The following IDNK variants were observed in gnomAD, a reference collection of about 807,000 sequenced individuals.
IDNK encodes gluconokinase.
In IDNK, 9 loss-of-function variants were observed where a neutral mutation model predicts 13.0. That is an observed-to-expected ratio of 0.69 (90% confidence interval 0.42 to 1.21). The LOEUF is 1.21. Among genes scored for constraint, IDNK ranks in the 50% most tolerant of loss-of-function variants. The pLI is 0.00. For synonymous variants in IDNK, 92 were observed against 94.9 expected (o/e 0.97, Z 0.18); for missense variants, 210 against 237.8 (o/e 0.88, Z 0.77).
intron 2 of IDNK, 91 bp downstream of exon 2, chr9:83,628,302 A>C: frequency 8.8e-7 from 1 of 1,140,288 alleles, no homozygotes. Flanking sequence ...TTGTACAGAC[A>C]CTTCCACATG....
intron 3 of IDNK, among the ~76,000 whole-genome samples, chr9:83,638,087 T>C (rs938152997): frequency 4.6e-5 from 7 of 151,850 alleles, no homozygotes; most frequent in Non-Finnish European, 7.4e-5. Context: ...TTCCAAAACT[T>C]AGGACTCCCA....
At chr9:83,634,288 A>T (rs1325278830) in intron 3 of IDNK, among the ~76,000 whole-genome samples, 2 of 152,208 alleles carry the variant, frequency 1.3e-5, no homozygotes, top group Non-Finnish European at 2.9e-5. Flanking sequence ...GTCTGCCATA[A>T]ATTCCGATAA....
At chr9:83,640,785 C>T (rs1330506860) in intron 3 of IDNK, among the ~76,000 whole-genome samples, 4 of 152,198 alleles carry the variant, frequency 2.6e-5, no homozygotes, top group African/African-American at 4.8e-5. Context: ...GCAGAGGTTG[C>T]GGTGAGCCGA....
chr9:83,639,578 G>A (rs1276891577), intron 3 of IDNK, among the ~76,000 whole-genome samples: 1 of 152,146 alleles, frequency 6.6e-6, no homozygotes, highest in Non-Finnish European at 1.5e-5. Flanking sequence ...CAATTGAGAT[G>A]AATAATGAAA....
chr9:83,627,875 AAAAT>A (rs201964924), intron 1 of IDNK: 13,232 of 128,610 alleles, frequency 0.1, 446 homozygotes, highest in South Asian at 0.15. Flanking sequence ...AAAAAAAAAA[AAAAT>A]TACACAACAG....
intron 1 of IDNK, 88 bp from the exon 2 acceptor site, chr9:83,628,093 G>T (rs2131619823): frequency 6.5e-7 from 1 of 1,541,850 alleles, no homozygotes; most frequent in Non-Finnish European, 8.8e-7. Context: ...TGCTAAGGCA[G>T]CCATCCCTTT....
chr9:83,630,655 A>G (rs2131623102), intron 3 of IDNK, among the ~76,000 whole-genome samples: 1 of 152,350 alleles, frequency 6.6e-6, no homozygotes, highest in East Asian at 1.9e-4. Flanking sequence ...AACCATTTCT[A>G]AGGGAGTGTA....
At position 83,643,992 on chromosome 9, in the gene IDNK, G is replaced by C. The variant is rs902263414; in HGVS notation, c.*212G>C. On this transcript the variant is annotated 3_prime_UTR_variant, in exon 5 of 5. Transcript: ENST00000376419. ...GAGTTTTAAAAGTCAAGCTTAAATT[G>C]AAGTTTAAATTCATCTATAACCAAA... 1 of 495,792 alleles carries C rather than the reference G, an allele frequency of 2.0e-6. No individual in the cohort carries two copies. Among genetic ancestry groups the C allele is most frequent in the African/African-American group, 1.9e-5 (1 of 51,846 alleles). 30.7% of individuals were successfully genotyped at this position (495,792 alleles called of 1,614,324 possible). A position where few individuals can be genotyped will look rare whatever the true frequency, so the allele number is the denominator to read the frequency against.
intron 1 of IDNK, among the ~76,000 whole-genome samples, chr9:83,627,654 A>C (rs759681819): frequency 6.6e-6 from 1 of 152,190 alleles, no homozygotes; most frequent in Non-Finnish European, 1.5e-5. Flanking sequence ...AGTCTTAACA[A>C]GTGCCGGTGA....
intron 3 of IDNK, among the ~76,000 whole-genome samples, chr9:83,630,050 T>A (rs1352438527): frequency 2.0e-5 from 3 of 152,238 alleles, no homozygotes; most frequent in Non-Finnish European, 4.4e-5. Context: ...CGAATGGAAC[T>A]GGCCGCAGAC....
At chr9:83,631,175 G>A (rs113864649) in intron 3 of IDNK, among the ~76,000 whole-genome samples, 9 of 152,016 alleles carry the variant, frequency 5.9e-5, no homozygotes, top group African/African-American at 2.2e-4. Context: ...AGCCCCCTGT[G>A]AATGGATTAA....
intron 4 of IDNK, among the ~76,000 whole-genome samples, chr9:83,643,176 T>C (rs547754032): frequency 6.6e-6 from 1 of 152,330 alleles, no homozygotes; most frequent in South Asian, 2.1e-4. Context: ...TATGGGCAAG[T>C]ACCCTAGGTA....
At chr9:83,628,632 C>CA (rs1459269793) in intron 2 of IDNK, among the ~76,000 whole-genome samples, 1 of 145,438 alleles carries the variant, frequency 6.9e-6, no homozygotes, top group African/African-American at 2.6e-5. Flanking sequence ...AGCCTGGTGA[C>CA]AGAGTGAGAC....
intron 4 of IDNK, among the ~76,000 whole-genome samples, chr9:83,642,310 T>C (rs1189040006): frequency 1.3e-5 from 2 of 152,188 alleles, no homozygotes; most frequent in East Asian, 1.9e-4. Flanking sequence ...GAAGTTATAA[T>C]ATACTTAAAT....
intron 3 of IDNK, among the ~76,000 whole-genome samples, chr9:83,631,696 T>C (rs896964671): frequency 1.3e-5 from 2 of 152,130 alleles, no homozygotes; most frequent in Admixed American, 1.3e-4. Flanking sequence ...AAAAGCTCAG[T>C]AGCCATGAGT....
At chr9:83,629,280 A>G (rs188731871) in intron 3 of IDNK, among the ~76,000 whole-genome samples, 4 of 152,188 alleles carry the variant, frequency 2.6e-5, no homozygotes, top group African/African-American at 9.7e-5. Flanking sequence ...GGAAGTCCTC[A>G]TCTTCTCTTC....
At chr9:83,628,373 T>C (rs904207609) in intron 2 of IDNK, among the ~76,000 whole-genome samples, 162 bp downstream of exon 2, 1 of 152,198 alleles carries the variant, frequency 6.6e-6, no homozygotes, top group Admixed American at 6.5e-5. Context: ...TAGTGATGAA[T>C]AGGCAGGGTG....
intron 3 of IDNK, among the ~76,000 whole-genome samples, chr9:83,634,526 T>C (rs2131628908): frequency 6.6e-6 from 1 of 152,346 alleles, no homozygotes; most frequent in Admixed American, 6.5e-5. Context: ...TACCCAAATA[T>C]GTTTTCTGTA....
chr9:83,638,269 T>C (rs12342901), intron 3 of IDNK, among the ~76,000 whole-genome samples: 5 of 151,866 alleles, frequency 3.3e-5, no homozygotes, highest in South Asian at 2.1e-4. Context: ...ATAGGAAAAT[T>C]TGAAAAAGAA....
Sources: gnomAD v4.1 joint callset for allele counts (sites outside exome capture counted in the v4.1 genomes callset) on GRCh38, gnomAD v4.1.1 for gene constraint, MANE v1.5 for transcripts, NCBI Gene and HGNC (gene_info 2026-07-23, HGNC 2026-07-21) for gene names.